Variants in ARNT2 observed in about 807,000 individuals in gnomAD.
The protein encoded by ARNT2 is aryl hydrocarbon receptor nuclear translocator 2, also known as ARNT protein 2.
ARNT2 carries 36 observed loss-of-function variants against 91.7 expected under a neutral mutation model. The ratio of observed to expected loss-of-function variants is 0.39; its 90% CI spans 0.30 to 0.52. The LOEUF is 0.52. Ranked by LOEUF, ARNT2 falls within the 20% of genes least tolerant of loss-of-function variation. ARNT2 has a pLI of 0.72. For synonymous variants in ARNT2, 365 were observed against 347.1 expected, an observed-to-expected ratio of 1.05 and a Z score of -0.57; for missense variants, 775 against 939.3, an observed-to-expected ratio of 0.83 and a Z score of 2.29.
At chr15:80,494,072 C>CCATGAACCCAATAAA (rs1897092154) in intron 5 of ARNT2, among the ~76,000 whole-genome samples, 1 of 152,190 alleles carries the variant, frequency 6.6e-6, no homozygotes, top group African/African-American at 2.4e-5. Flanking sequence ...GCTTGCAGAA[C>CCATGAACCCAATAAA]CATGAACCCA....
At chr15:80,543,576 A>G (rs1897945676) in intron 8 of ARNT2, among the ~76,000 whole-genome samples, 1 of 152,170 alleles carries the variant, frequency 6.6e-6, no homozygotes, top group Non-Finnish European at 1.5e-5. Flanking sequence ...ACAGACTTTT[A>G]AGTGTATTAG....
In ARNT2 at chr15:80,513,924, C is replaced by G. The variant is rs146302559; in HGVS notation, c.739C>G (p.Pro247Ala). The change falls in exon 7 of 19, where the codon CCT (proline) becomes GCT (alanine). Residue 247 changes from proline (P) to alanine (A), a missense_variant. Around this residue, in one of 5 missense-constraint regions of ARNT2, gnomAD observed 285 missense variants for 327.2 expected, o/e 0.87. Coordinates refer to ENST00000303329, the MANE Select transcript of ARNT2 (RefSeq NM_014862.4). ...GTCACATCTTAGGTGTGGAAATGCT[C>G]CTTTGGACCACCTTCCTCTAAACAG... ...FICRMRCGNAPLDHLPLNRIT... is the reference protein window; with the variant it reads ...FICRMRCGNAALDHLPLNRIT... 122 of 1,613,514 alleles carry G rather than the reference C, an allele frequency of 7.6e-5. No homozygotes were observed. The highest frequency in any genetic ancestry group is 9.6e-5 in the Non-Finnish European group (113 of 1,179,524).
chr15:80,414,794 C>T (rs916660504), intron 1 of ARNT2, among the ~76,000 whole-genome samples: 3 of 150,048 alleles, frequency 2.0e-5, no homozygotes, highest in South Asian at 2.1e-4. Context: ...AAATATTTCA[C>T]GCCAGAAAAC....
intron 1 of ARNT2, chr15:80,435,974 C>G (rs575231704): frequency 1.3e-5 from 2 of 152,226 alleles, no homozygotes; most frequent in Admixed American, 6.5e-5. Context: ...CTTCAGCTAA[C>G]TGCACCGGAA....
intron 11 of ARNT2, among the ~76,000 whole-genome samples, chr15:80,560,318 T>C (rs1898311096): frequency 6.6e-6 from 1 of 152,170 alleles, no homozygotes; most frequent in Non-Finnish European, 1.5e-5. Context: ...GATCTAGGCT[T>C]AGGATCATAA....
At chr15:80,530,730 C>G (rs1351010689) in intron 8 of ARNT2, among the ~76,000 whole-genome samples, 1 of 152,138 alleles carries the variant, frequency 6.6e-6, no homozygotes, top group African/African-American at 2.4e-5. Context: ...CTTTGCCTTG[C>G]AAAGTGGGGG....
At chr15:80,439,344 G>A (rs1174753136) in intron 1 of ARNT2, among the ~76,000 whole-genome samples, 4 of 152,120 alleles carry the variant, frequency 2.6e-5, no homozygotes, top group African/African-American at 9.7e-5. Context: ...ACAAGTTCAG[G>A]GATGCCAGAA....
At chr15:80,540,883 T>C (rs1294275594) in intron 8 of ARNT2, among the ~76,000 whole-genome samples, 1 of 152,230 alleles carries the variant, frequency 6.6e-6, no homozygotes, top group Non-Finnish European at 1.5e-5. Context: ...ACATTTTCTT[T>C]ATCTGGTCCA....
intron 1 of ARNT2, among the ~76,000 whole-genome samples, chr15:80,446,164 T>A (rs980947838): frequency 1.3e-5 from 2 of 152,082 alleles, no homozygotes; most frequent in Non-Finnish European, 2.9e-5. Context: ...AGAGGCTAAG[T>A]AATTTGCTCA....
intron 8 of ARNT2, among the ~76,000 whole-genome samples, chr15:80,549,847 G>C (rs1182991885): frequency 6.6e-6 from 1 of 152,204 alleles, no homozygotes; most frequent in East Asian, 1.9e-4. Flanking sequence ...CCACTTCTAG[G>C]GATCCACTCC....
intron 10 of ARNT2, 52 bp downstream of exon 10, chr15:80,552,826 T>C: frequency 6.3e-7 from 1 of 1,589,656 alleles, no homozygotes; most frequent in Non-Finnish European, 8.6e-7. Flanking sequence ...TTAATTGTTT[T>C]TAAAACATTC....
intron 1 of ARNT2, among the ~76,000 whole-genome samples, chr15:80,440,925 T>C (rs942465757): frequency 2.0e-5 from 3 of 152,232 alleles, no homozygotes; most frequent in African/African-American, 7.2e-5. Context: ...TTTCTGTACA[T>C]TGTGCTATAA....
At chr15:80,581,137 A>G (rs761322898) in intron 16 of ARNT2, 102 bp from the exon 17 acceptor site, 1 of 1,417,444 alleles carries the variant, frequency 7.1e-7, no homozygotes, top group East Asian at 2.3e-5. Context: ...GTCACTGTCA[A>G]CCCAGAGCAG....
intron 2 of ARNT2, among the ~76,000 whole-genome samples, chr15:80,455,580 G>T (rs1896470190): frequency 6.6e-6 from 1 of 151,986 alleles, no homozygotes; most frequent in Admixed American, 6.5e-5. Flanking sequence ...AGAACTCTTT[G>T]CAAAAACAAA....
chr15:80,548,935 A>T (rs948567035), intron 8 of ARNT2, among the ~76,000 whole-genome samples: 4 of 152,172 alleles, frequency 2.6e-5, no homozygotes, highest in Non-Finnish European at 5.9e-5. Context: ...GTGGAAAAAC[A>T]TACCTTCAAG....
chr15:80,542,112 G>C (rs1169028090), intron 8 of ARNT2, among the ~76,000 whole-genome samples: 13 of 152,194 alleles, frequency 8.5e-5, no homozygotes, highest in African/African-American at 3.1e-4. Flanking sequence ...TAATGAATTT[G>C]AATTTACTGA....
At chr15:80,503,990 C>T (rs1455427103) in intron 5 of ARNT2, among the ~76,000 whole-genome samples, 3 of 152,210 alleles carry the variant, frequency 2.0e-5, no homozygotes, top group Admixed American at 6.5e-5. Flanking sequence ...CAGGATAGTT[C>T]TAGCACAGCG....
chr15:80,480,634 A>G (rs1373940513), intron 5 of ARNT2, among the ~76,000 whole-genome samples: 1 of 152,166 alleles, frequency 6.6e-6, no homozygotes, highest in Non-Finnish European at 1.5e-5. Flanking sequence ...CTCTTCCTGC[A>G]TTCAGAGAAT....
intron 6 of ARNT2, among the ~76,000 whole-genome samples, chr15:80,513,291 A>G (rs1345185260): frequency 6.6e-6 from 1 of 152,152 alleles, no homozygotes; most frequent in Admixed American, 6.5e-5. Flanking sequence ...TGATGCCACC[A>G]TCCCCTGCCT....
Sources: allele counts gnomAD v4.1 joint callset (sites outside exome capture counted in the v4.1 genomes callset), GRCh38; gene constraint gnomAD v4.1.1; regional missense constraint gnomAD v4.1.1; transcripts MANE v1.5; gene names NCBI Gene and HGNC (gene_info 2026-07-23, HGNC 2026-07-21).